The following GREB1 variants were observed in gnomAD, a reference collection of about 807,000 sequenced individuals.
The protein encoded by GREB1 is protein GREB1.
A neutral mutation model predicts 200.7 loss-of-function variants in GREB1; 106 were observed. The ratio of observed to expected loss-of-function variants is 0.53; its 90% confidence interval spans 0.45 to 0.62. The LOEUF (loss-of-function observed/expected upper bound fraction) is 0.62, where lower values mean the gene tolerates loss of function less well. Among genes scored for constraint, GREB1 ranks in the 20% least tolerant of loss-of-function variants. The probability of loss-of-function intolerance (pLI) is 0.00; values close to 1 mark genes in which losing one functional copy is unlikely to be tolerated. For synonymous variants in GREB1, 1,132 were observed against 1,092.4 expected, an observed-to-expected ratio of 1.04 and a Z score of -0.72; for missense variants, 2,243 against 2,556.8, an observed-to-expected ratio of 0.88 and a Z score of 2.65.
chr2:11,603,069 G>A (rs1384455889), intron 17 of GREB1, among the ~76,000 whole-genome samples: 1 of 152,192 alleles, frequency 6.6e-6, no homozygotes, highest in Non-Finnish European at 1.5e-5. Context: ...CTCAGGCTAC[G>A]TGTCTAGCAA....
chr2:11,596,023 G>C, intron 12 of GREB1, 88 bp from the exon 13 acceptor site: 1 of 1,321,460 alleles, frequency 7.6e-7, no homozygotes, highest in Non-Finnish European at 1.1e-6. Context: ...TCCAGGCCTC[G>C]GGACAGTACC....
In GREB1 at chr2:11,618,374, G is replaced by A. The variant is rs371773393; in HGVS notation, c.3499G>A (p.Ala1167Thr). The change falls in exon 22 of 33, where the codon GCA becomes ACA. Residue 1167 changes from alanine (A) to threonine (T), a missense_variant. Around this residue, in one of 3 missense-constraint regions of GREB1, gnomAD observed 587 missense variants for 553.1 expected, o/e 1.06. Transcript: ENST00000381486. Reference protein sequence around the residue: ...HARSPQPRGPAEEGRAPGEKQ... With the variant: ...HARSPQPRGPTEEGRAPGEKQ... ...CAGGTCGCCCCAGCCCCGTGGCCCC[G>A]CAGAGGAGGGCAGAGCCCCTGGTGA... 133 of 1,611,232 alleles carry A rather than the reference G, an allele frequency of 8.3e-5. No individual in the cohort carries two copies. Among genetic ancestry groups the A allele is most frequent in the South Asian group, 5.8e-4 (53 of 90,886 alleles).
At position 11,520,721 on chromosome 2, in the gene GREB1, C is replaced by T. The variant is rs1436883572; in HGVS notation, c.-158-35736C>T. Among the ~76,000 whole-genome samples, 3 of 152,120 alleles carry T rather than the reference C, an allele frequency of 2.0e-5. No individual in the cohort carries two copies. The East Asian group carries it at 5.8e-4, about 29-fold the overall frequency. ...ATTAGATTGTGCTCCCCAGGTAGTC[C>T]AGCATTATCTCCGCATCTCAAGGTC... On this transcript the variant is annotated intron_variant, in intron 1 of 2. Coordinates refer to the GREB1 transcript ENST00000628795.
chr2:11,583,038 CA>C (rs1382085207), intron 7 of GREB1, among the ~76,000 whole-genome samples: 1 of 152,084 alleles, frequency 6.6e-6, no homozygotes, highest in African/African-American at 2.4e-5. Flanking sequence ...GAGTCATCTC[CA>C]AAAAATGCCA....
At chr2:11,511,695 T>C (rs1359235616) in intron 1 of GREB1, among the ~76,000 whole-genome samples, 1 of 152,202 alleles carries the variant, frequency 6.6e-6, no homozygotes, top group Non-Finnish European at 1.5e-5. Flanking sequence ...GCTGAGACCC[T>C]GAGCTTAGGG....
intron 1 of GREB1, among the ~76,000 whole-genome samples, chr2:11,541,331 A>T (rs1038660226): frequency 3.3e-5 from 5 of 152,122 alleles, no homozygotes; most frequent in South Asian, 2.1e-4. Context: ...ACTCCAGACC[A>T]TGGCCCTTCC....
At chr2:11,594,854 C>T (rs890566243) in intron 11 of GREB1, among the ~76,000 whole-genome samples, 3 of 152,088 alleles carry the variant, frequency 2.0e-5, no homozygotes, top group Non-Finnish European at 2.9e-5. Flanking sequence ...CCACCACACC[C>T]GGCTAATTTT....
intron 1 of GREB1, among the ~76,000 whole-genome samples, chr2:11,503,995 A>G (rs1044991739): frequency 3.9e-5 from 6 of 152,234 alleles, no homozygotes; most frequent in Admixed American, 1.3e-4. Flanking sequence ...AATTAGGCTC[A>G]GTAAAGTATT....
intron 15 of GREB1, 50 bp from the exon 16 acceptor site, chr2:11,600,750 A>G: frequency 6.7e-7 from 1 of 1,502,992 alleles, no homozygotes. Flanking sequence ...ACCTTGCAAA[A>G]TTAGAAAACA....
chr2:11,560,701 CAA>C (rs57683800), intron 2 of GREB1, among the ~76,000 whole-genome samples: 1 of 143,224 alleles, frequency 7.0e-6, no homozygotes, highest in Non-Finnish European at 1.5e-5. Flanking sequence ...AACTCCATCT[CAA>C]AAAAAAAAAG....
rs763617152 is a variant in GREB1, at chr2:11,627,015, C to T, written c.4360C>T (p.Arg1454Trp). 2.3e-5 allele frequency: 37 copies of T among 1,613,848 alleles called. No individual in the cohort carries two copies. Among genetic ancestry groups the T allele is most frequent in the Middle Eastern group, 1.6e-4 (1 of 6,084 alleles). ...CCTTTATGTGCGGCGTCAGACGGCA[C>T]GGATGAGACTGTCCAAGTACGCAGC... ...EDLYVRRQTA[R>W]MRLSKYAAYN... is the part of the protein sequence containing the mutation. Residue 1454 changes from arginine (R) to tryptophan (W), a missense_variant, in exon 25 of 33, where the codon CGG becomes TGG. Arg to Trp is a moderately radical substitution (Grantham distance 101). This residue lies in a region of GREB1 where 587 missense variants were observed against 553.1 expected (regional missense o/e 1.06). Coordinates refer to ENST00000381486, the MANE Select transcript of GREB1 (RefSeq NM_014668.4).
intron 1 of GREB1, among the ~76,000 whole-genome samples, chr2:11,488,160 A>G (rs1672698028): frequency 1.3e-5 from 2 of 152,150 alleles, no homozygotes; most frequent in Admixed American, 6.5e-5. Flanking sequence ...ACTTGTACAA[A>G]ATACAGATTC....
rs77603757 is a variant in GREB1 at position 11,491,224 on chromosome 2, G to A, written c.-159+8843G>A. On this transcript the variant is annotated intron_variant, in intron 1 of 2. Transcript: ENST00000628795. ...CCAATAAATGGATCAGTACAGCACT[G>A]TCTTAATAATTTCCTTGGCATGGTA... 2.2e-4 allele frequency among the ~76,000 whole-genome samples: 33 copies of A among 152,282 alleles called. No homozygotes were observed. In the East Asian group the frequency reaches 6.0e-3, roughly 28 times the overall value.
At chr2:11,488,272 G>A (rs1019286438) in intron 1 of GREB1, among the ~76,000 whole-genome samples, 4 of 152,144 alleles carry the variant, frequency 2.6e-5, no homozygotes, top group African/African-American at 9.7e-5. Context: ...GGTCAACCTT[G>A]AGAACCATGA....
intron 1 of GREB1, among the ~76,000 whole-genome samples, chr2:11,501,108 A>T (rs1558485612): frequency 6.6e-6 from 1 of 152,200 alleles, no homozygotes; most frequent in Non-Finnish European, 1.5e-5. Context: ...GGGATCCATC[A>T]TCTGGGCACC....
intron 22 of GREB1, among the ~76,000 whole-genome samples, chr2:11,620,204 T>C (rs952177982): frequency 6.6e-6 from 1 of 152,122 alleles, no homozygotes; most frequent in African/African-American, 2.4e-5. Flanking sequence ...CTGGATCTCT[T>C]GACCTCGTGA....
At chr2:11,595,190 G>A in intron 11 of GREB1, 61 bp from the exon 12 acceptor site, 1 of 1,505,528 alleles carries the variant, frequency 6.6e-7, no homozygotes, top group South Asian at 1.2e-5. Context: ...CTAGTCTAGG[G>A]CTACACAGCC....
rs528623634 is a variant in GREB1, at chr2:11,581,674, C to T, written c.901+842C>T. ...CTGGAGCCACATCATAAGCCATTCT[C>T]GTCTTTCTTTCCTCCATCATGCACT... On this transcript the variant is annotated intron_variant, in intron 7 of 32. Coordinates refer to ENST00000381486, the MANE Select transcript of GREB1 (RefSeq NM_014668.4). Among the ~76,000 whole-genome samples the T allele has an allele frequency of 3.0e-4, 45 of 152,280 alleles. 1 individual carries two copies. Among genetic ancestry groups the T allele is most frequent in the Non-Finnish European group, 3.5e-4 (24 of 68,024 alleles).
intron 1 of GREB1, among the ~76,000 whole-genome samples, chr2:11,524,396 G>T (rs1673804869): frequency 6.6e-6 from 1 of 152,190 alleles, no homozygotes; most frequent in Non-Finnish European, 1.5e-5. Flanking sequence ...TGACTCTTGA[G>T]GACAGGGCCA....
Sources: gnomAD v4.1 joint callset for allele counts (sites outside exome capture counted in the v4.1 genomes callset) on GRCh38, gnomAD v4.1.1 for gene constraint, gnomAD v4.1.1 regional missense constraint, MANE v1.5 for transcripts, NCBI Gene and HGNC (gene_info 2026-07-23, HGNC 2026-07-21) for gene names.